Variants in SLC11A2 observed in about 807,000 individuals in gnomAD.
SLC11A2 encodes the protein solute carrier family 11 member 2.
SLC11A2 carries 38 observed loss-of-function variants against 68.0 expected under a neutral mutation model. The ratio of observed to expected loss-of-function variants is 0.56; its 90% CI spans 0.43 to 0.73. The LOEUF is 0.73. Ranked by LOEUF, SLC11A2 falls within the 30% of genes least tolerant of loss-of-function variation. The pLI is 0.00. For missense variants in SLC11A2, 517 were observed against 690.5 expected, an observed-to-expected ratio of 0.75 and a Z score of 2.82; for synonymous variants, 242 against 250.6, an observed-to-expected ratio of 0.97 and a Z score of 0.32.
chr12:51,020,198 C>T (rs1943942129), intron 1 of SLC11A2, among the ~76,000 whole-genome samples: 1 of 151,030 alleles, frequency 6.6e-6, no homozygotes. Context: ...GTAGCTGAGA[C>T]TACAGGCACG....
Position 50,988,158 on chromosome 12 carries a change from A to G in SLC11A2, c.*167T>C. ...TCTAAGGTTAGGTCAGGAAGGAAAA[A>G]ATAATTCCATCTTTCAAATACACAT... On this transcript the variant is annotated 3_prime_UTR_variant, in exon 16 of 16. Coordinates refer to ENST00000262052, the MANE Select transcript of SLC11A2 (RefSeq NM_000617.3). 6.6e-7 allele frequency: 1 copy of G among 1,524,534 alleles called. No individual in the cohort carries two copies. Among genetic ancestry groups the G allele is most frequent in the Non-Finnish European group, 8.8e-7 (1 of 1,137,844 alleles). 94.4% of individuals were successfully genotyped at this position (1,524,534 alleles called of 1,614,324 possible). A position where few individuals can be genotyped will look rare whatever the true frequency, so the allele number is the denominator to read the frequency against.
downstream of SLC11A2, among the ~76,000 whole-genome samples, chr12:50,982,938 C>CAAAAA (rs34727368): frequency 5.2e-3 from 466 of 90,012 alleles, 2 homozygotes; most frequent in African/African-American, 0.02. Context: ...GAGACTCCGT[C>CAAAAA]AAAAAAAAAA....
chr12:51,026,119 C>A, intron 1 of SLC11A2, 191 bp downstream of exon 1: 1 of 1,101,244 alleles, frequency 9.1e-7, no homozygotes, highest in Non-Finnish European at 1.1e-6. Flanking sequence ...CTGAATGGCG[C>A]GACTCCATCA....
chr12:51,008,307 G>GT (rs1942925830), intron 3 of SLC11A2, 169 bp downstream of exon 3: 2 of 587,890 alleles, frequency 3.4e-6, no homozygotes, highest in South Asian at 3.7e-5. Flanking sequence ...GATGGGGTGT[G>GT]TGTGTGTGTG....
Position 51,004,783 on chromosome 12 carries a change from C to T in SLC11A2, c.429+5G>A. On this transcript the variant is annotated splice_donor_5th_base_variant and intron_variant, in intron 5 of 15. Transcript: ENST00000262052. ...GAGAGACAAACAGGACAATACATTG[C>T]TCACCTTGGGATACTGACGGTGACA... 1.2e-6 allele frequency: 2 copies of T among 1,613,716 alleles called. No individual in the cohort carries two copies. Among genetic ancestry groups the T allele is most frequent in the Non-Finnish European group, 1.7e-6 (2 of 1,179,788 alleles).
intron 1 of SLC11A2, among the ~76,000 whole-genome samples, chr12:51,014,852 C>CAAAAT (rs372719318): frequency 4.6e-4 from 69 of 150,694 alleles, no homozygotes; most frequent in Non-Finnish European, 7.5e-4. Flanking sequence ...AACTCTGTCT[C>CAAAAT]AAAATAAAAT....
At chr12:50,989,021 T>C (rs528633879) in intron 15 of SLC11A2, among the ~76,000 whole-genome samples, 1 of 152,158 alleles carries the variant, frequency 6.6e-6, no homozygotes, top group Non-Finnish European at 1.5e-5. Context: ...GCCTGTTGTT[T>C]GTTTCTTTTA....
rs1218009354 is a variant in SLC11A2 at position 50,995,881 on chromosome 12, G to A, written c.832-94C>T. On this transcript the variant is annotated intron_variant, in intron 9 of 15. Transcript: ENST00000262052. ...TTTGGAGTCAGCTGAGAGATTTAGG[G>A]GACAAAAGTTGACCAGACGAAAAGT... 4.1e-6 allele frequency: 5 copies of A among 1,232,048 alleles called. No individual in the cohort carries two copies. In the African/African-American group the frequency reaches 5.9e-5, roughly 15 times the overall value. The allele number at this position is 1,232,048 out of a possible 1,614,324, so 76.3% of individuals were successfully genotyped here.
At chr12:51,018,717 G>A (rs416062) in intron 1 of SLC11A2, among the ~76,000 whole-genome samples, 135,245 of 152,064 alleles carry the variant, frequency 0.89, 60,782 homozygotes, top group East Asian at 0.98. Flanking sequence ...GCAGTGAGCC[G>A]TGATCAGGGC....
chr12:50,989,152 T>C (rs945935621), intron 15 of SLC11A2, among the ~76,000 whole-genome samples: 1 of 152,132 alleles, frequency 6.6e-6, no homozygotes, highest in Non-Finnish European at 1.5e-5. Context: ...TGTTTTGAAG[T>C]TAAACAACAG....
At chr12:50,963,179 G>C in the SLC11A2 span, among the ~76,000 whole-genome samples, 1 of 151,732 alleles carries the variant, frequency 6.6e-6, no homozygotes, top group African/African-American at 2.4e-5. Context: ...AGACAAGCCT[G>C]GTCAACATGG....
chr12:50,987,553 A>G lies in SLC11A2; in HGVS notation c.*772T>C, dbSNP rs932805907. On this transcript the variant is annotated 3_prime_UTR_variant, in exon 16 of 16. Coordinates refer to ENST00000262052, the MANE Select transcript of SLC11A2 (RefSeq NM_000617.3). ...TACAACCACATGTGCTCAAGAGTAAATATCATCAGGAAAGCTCTGTACTAA... is the reference window on the plus strand; with the variant it reads ...TACAACCACATGTGCTCAAGAGTAAGTATCATCAGGAAAGCTCTGTACTAA... The G allele has an allele frequency of 3.1e-6, 4 of 1,287,098 alleles. No homozygotes were observed. In the African/African-American group the frequency reaches 4.6e-5, roughly 15 times the overall value. The allele number at this position is 1,287,098 out of a possible 1,614,324, so 79.7% of individuals were successfully genotyped here.
chr12:51,011,363 C>T (rs575437301), intron 1 of SLC11A2, among the ~76,000 whole-genome samples: 4 of 151,912 alleles, frequency 2.6e-5, no homozygotes, highest in African/African-American at 9.7e-5. Context: ...CTGCTGACCT[C>T]GTGATCCGCC....
the SLC11A2 span, among the ~76,000 whole-genome samples, chr12:50,972,477 C>T: frequency 0.071 from 10,825 of 152,290 alleles, 734 homozygotes; most frequent in East Asian, 0.28. Flanking sequence ...TCGAATCACT[C>T]GGTCTTACTT....
At chr12:51,018,276 T>C (rs1302226473) in intron 1 of SLC11A2, among the ~76,000 whole-genome samples, 2 of 151,968 alleles carry the variant, frequency 1.3e-5, no homozygotes, top group Non-Finnish European at 2.9e-5. Flanking sequence ...GTGCCTGTAA[T>C]CCCAGCTATT....
At chr12:50,997,501 A>G (rs757486415) in intron 8 of SLC11A2, among the ~76,000 whole-genome samples, 1 of 151,980 alleles carries the variant, frequency 6.6e-6, no homozygotes, top group Non-Finnish European at 1.5e-5. Context: ...CAGGAGTTCA[A>G]GAGCAGCCTG....
rs140267593 is a variant in SLC11A2, at chr12:50,997,563, A to G, written c.676-591T>C. The stretch of plus-strand genomic sequence containing the variant: ...AAAAATTACCTCGGTGTGGTGGTGC[A>G]TACCTATAGTACTAGCTACTAGGGA... On this transcript the variant is annotated intron_variant, in intron 8 of 15. Coordinates refer to ENST00000262052, the MANE Select transcript of SLC11A2 (RefSeq NM_000617.3). 3.9e-3 allele frequency among the ~76,000 whole-genome samples: 593 copies of G among 151,340 alleles called. 2 individuals are homozygous for G. The highest frequency in any genetic ancestry group is 6.3e-3 in the Non-Finnish European group (426 of 67,880).
At chr12:50,969,900 C>T in the SLC11A2 span, among the ~76,000 whole-genome samples, 10,786 of 151,976 alleles carry the variant, frequency 0.071, 735 homozygotes, top group East Asian at 0.28. Flanking sequence ...TTGCTGACAT[C>T]CTTGGAACTC....
chr12:51,023,722 C>T (rs1177212953), intron 1 of SLC11A2, among the ~76,000 whole-genome samples: 1 of 152,168 alleles, frequency 6.6e-6, no homozygotes, highest in Non-Finnish European at 1.5e-5. Flanking sequence ...CTTACCAGGC[C>T]AACTTCCAAC....
Sources: allele counts gnomAD v4.1 joint callset (sites outside exome capture counted in the v4.1 genomes callset), GRCh38; gene constraint gnomAD v4.1.1; transcripts MANE v1.5; gene names NCBI Gene and HGNC (gene_info 2026-07-23, HGNC 2026-07-21).